Variants in RPL3 observed in about 807,000 individuals in gnomAD.
The protein encoded by RPL3 is large ribosomal subunit protein uL3.
Under a neutral mutation model 46.0 loss-of-function variants are expected in RPL3, and 3 were observed. The ratio of observed to expected loss-of-function variants is 0.07; its 90% CI spans 0.03 to 0.17. The LOEUF (loss-of-function observed/expected upper bound fraction) is 0.17. Ranked by LOEUF, RPL3 falls within the 10% of genes least tolerant of loss-of-function variation. The pLI, the probability that RPL3 is intolerant of heterozygous loss-of-function variation, is 1.00. For missense variants in RPL3, 387 were observed against 532.7 expected, an observed-to-expected ratio of 0.73 and a Z score of 2.69; for synonymous variants, 224 against 190.8, an observed-to-expected ratio of 1.17 and a Z score of -1.43.
chr22:39,313,344 C>T lies in RPL3; in HGVS notation c.1048-34G>A, dbSNP rs745552547. ...CAAGAGGGGAAGGGATTTAGGATTA[C>T]GAGGAGCCAGGCTTTCCTCAGCACT... On this transcript the variant is annotated intron_variant, in intron 8 of 9. Transcript: ENST00000216146. 1.2e-5 allele frequency: 20 copies of T among 1,612,912 alleles called. No individual in the cohort carries two copies. The East Asian group carries it at 2.7e-4, about 22-fold the overall frequency.
intron 1 of RPL3, chr22:39,319,159 G>A (rs758541741): frequency 5.5e-6 from 3 of 544,138 alleles, no homozygotes; most frequent in Admixed American, 1.9e-5. Flanking sequence ...AGCGGCCCCA[G>A]ATATTCAGGA....
chr22:39,314,884 C>T lies in RPL3; in HGVS notation c.689-38G>A, dbSNP rs758182553. On this transcript the variant is annotated intron_variant, in intron 5 of 9. Transcript: ENST00000216146. ...CACATTACTTCACCTCAGCGCCCAG[C>T]ACCTCCCACTGACCCCTTCCTGCTA... 7.5e-6 allele frequency: 12 copies of T among 1,597,422 alleles called. No individual in the cohort carries two copies. The East Asian group carries it at 2.7e-4, about 36-fold the overall frequency.
chr22:39,319,565 C>CA (rs774911161), intron 1 of RPL3, 30 bp downstream of exon 1: 160 of 1,562,842 alleles, frequency 1.0e-4, no homozygotes, highest in Non-Finnish European at 1.3e-4. Flanking sequence ...ACGCCGGTGA[C>CA]AATGAAACGG....
chr22:39,319,509 G>A (rs116153722), intron 1 of RPL3, 86 bp downstream of exon 1: 5 of 1,539,426 alleles, frequency 3.2e-6, no homozygotes, highest in East Asian at 2.4e-5. Context: ...CCCCGGCGCC[G>A]GCCAAGACGG....
chr22:39,315,475 C>T lies in RPL3; in HGVS notation c.582G>A (p.Leu194=). 1.9e-6 allele frequency: 3 copies of T among 1,614,074 alleles called. No homozygotes were observed. The highest frequency in any genetic ancestry group is 2.2e-5 in the South Asian group (2 of 91,088). Residue 194 remains leucine, a synonymous_variant, in exon 5 of 10, where the codon CTG becomes CTA. Coordinates refer to ENST00000216146, the MANE Select transcript of RPL3 (RefSeq NM_000967.4). ...GCTCAAGCCTCTCGCGGGCCCAGTC[C>T]AGCTTCTCGGCCACAGTGCCTCCGT... The part of the protein sequence containing the change: ...QVNGGTVAEK[L]DWARERLEQQ...
chr22:39,315,652 C>A, intron 4 of RPL3, 97 bp from the exon 5 acceptor site: 1 of 1,413,128 alleles, frequency 7.1e-7, no homozygotes, highest in Non-Finnish European at 9.7e-7. Flanking sequence ...GTCAAGCACA[C>A]GGCAAAAAGC....
chr22:39,316,176 T>G (rs993799889), intron 4 of RPL3, among the ~76,000 whole-genome samples: 1 of 150,850 alleles, frequency 6.6e-6, no homozygotes, highest in African/African-American at 2.4e-5. Flanking sequence ...AAAGTGGAGG[T>G]TGCAGTGAGC....
chr22:39,315,134 ACAAAGAG>A, intron 5 of RPL3: 1 of 801,970 alleles, frequency 1.2e-6, no homozygotes, highest in Non-Finnish European at 2.2e-6. Flanking sequence ...TCAGTAGGCT[ACAAAGAG>A]CAAAGGGTCC....
chr22:39,319,273 G>A, intron 1 of RPL3: 1 of 515,186 alleles, frequency 1.9e-6, no homozygotes, highest in Non-Finnish European at 3.6e-6. Flanking sequence ...CAGGTTATGG[G>A]CCCTAATCCC....
chr22:39,314,553 T>C (rs1194756897), intron 6 of RPL3, 133 bp downstream of exon 6: 1 of 1,116,592 alleles, frequency 9.0e-7, no homozygotes, highest in African/African-American at 1.6e-5. Flanking sequence ...GAACTGACCA[T>C]GAGAAGCAAG....
chr22:39,317,620 T>C lies in RPL3; in HGVS notation c.206A>G (p.Lys69Arg), dbSNP rs567535132. 2 of 1,613,510 alleles carry C rather than the reference T, an allele frequency of 1.2e-6. No individual in the cohort carries two copies. The highest frequency in any genetic ancestry group is 1.7e-5 in the Admixed American group (1 of 59,968). Residue 69 changes from lysine to arginine, a missense_variant, in exon 3 of 10, where the codon AAG becomes AGG. By Grantham distance (26) the Lys-to-Arg change is conservative. Around this residue, in one of 5 missense-constraint regions of RPL3, gnomAD observed 196 missense variants for 217.5 expected, o/e 0.90. Transcript: ENST00000216146. ...GGTCACAGCCTCCACCACCTCCTTC[T>C]TGTTCACCTCTGCAAAAAAAAAGCA... ...EVDRPGSKVN[K>R]KEVVEAVTIV...
At chr22:39,319,560 G>A (rs1416512247) in intron 1 of RPL3, 35 bp downstream of exon 1, 27 of 1,561,840 alleles carry the variant, frequency 1.7e-5, no homozygotes, top group Non-Finnish European at 2.1e-5. Flanking sequence ...TGCCGACGCC[G>A]GTGACAATGA....
At chr22:39,318,785 A>C (rs1012072032) in intron 1 of RPL3, among the ~76,000 whole-genome samples, 193 bp from the exon 2 acceptor site, 4 of 152,204 alleles carry the variant, frequency 2.6e-5, no homozygotes, top group Non-Finnish European at 5.9e-5. Flanking sequence ...GACAAAATTT[A>C]AGCTGAATCT....
chr22:39,316,451 C>T (rs184910741), intron 4 of RPL3, among the ~76,000 whole-genome samples: 3 of 152,332 alleles, frequency 2.0e-5, no homozygotes, highest in Admixed American at 2.0e-4. Flanking sequence ...GCCTGCTCAG[C>T]TCATCAACTA....
intron 4 of RPL3, among the ~76,000 whole-genome samples, chr22:39,316,381 A>G (rs1038354758): frequency 6.6e-6 from 1 of 152,224 alleles, no homozygotes; most frequent in Non-Finnish European, 1.5e-5. Context: ...ACTTGAGATC[A>G]GCCAGGATAA....
In RPL3 at chr22:39,316,965, C is replaced by A. The variant is rs1025522161; in HGVS notation, c.366-124G>T. 4.7e-6 allele frequency: 7 copies of A among 1,484,192 alleles called. 1 individual carries two copies. Among genetic ancestry groups the A allele is most frequent in the Admixed American group, 3.5e-5 (2 of 57,902 alleles). The allele number at this position is 1,484,192 out of a possible 1,614,324, so 91.9% of individuals were successfully genotyped here. ...GAGCTCATTGCCGGCTTCTAAGGAG[C>A]CTTTTCCACCAGCAAGCGGAGCCTG... On this transcript the variant is annotated intron_variant, in intron 3 of 9. Transcript: ENST00000216146.
At chr22:39,317,058 G>A (rs750124118) in intron 3 of RPL3, 6 of 678,628 alleles carry the variant, frequency 8.8e-6, no homozygotes, top group South Asian at 3.8e-5. Flanking sequence ...TAAGTTACAC[G>A]CATTCAAACA....
chr22:39,318,298 T>TAA, intron 2 of RPL3, 102 bp downstream of exon 2: 7 of 1,132,430 alleles, frequency 6.2e-6, no homozygotes, highest in South Asian at 1.6e-5. Context: ...AACTCCTGCT[T>TAA]AAAAAAAAAA....
intron 3 of RPL3, 71 bp downstream of exon 3, chr22:39,317,390 A>ATGCACACGC: frequency 6.5e-7 from 1 of 1,529,584 alleles, no homozygotes. Context: ...CTGAGAAACC[A>ATGCACACGC]TGCACACGCT....
Sources: gnomAD v4.1 joint callset for allele counts (sites outside exome capture counted in the v4.1 genomes callset) on GRCh38, gnomAD v4.1.1 for gene constraint, gnomAD v4.1.1 regional missense constraint, MANE v1.5 for transcripts, NCBI Gene and HGNC (gene_info 2026-07-23, HGNC 2026-07-21) for gene names.